The following RYR2 variants were observed in gnomAD, a reference collection of about 807,000 sequenced individuals.
RYR2 encodes the protein ryanodine receptor 2, also known as cardiac muscle ryanodine receptor-calcium release channel.
In RYR2, 227 loss-of-function variants were observed where a neutral mutation model predicts 601.1. The ratio of observed to expected loss-of-function variants is 0.38; its 90% CI spans 0.34 to 0.42. The LOEUF is 0.42. RYR2 is among the 10% of genes least tolerant of loss of function. The pLI is 1.00. For synonymous variants in RYR2, 2,223 were observed against 2,175.1 expected (o/e 1.02, Z -0.61); for missense variants, 4,646 against 6,156.5 (o/e 0.75, Z 8.21).
chr1:237,407,629 TA>T (rs1042208455), intron 10 of RYR2, among the ~76,000 whole-genome samples: 1 of 107,766 alleles, frequency 9.3e-6, no homozygotes, highest in African/African-American at 4.1e-5. Flanking sequence ...TTTTTTTTTT[TA>T]AATTGAGACG....
At chr1:237,498,162 A>G (rs887513408) in intron 20 of RYR2, among the ~76,000 whole-genome samples, 1 of 152,138 alleles carries the variant, frequency 6.6e-6, no homozygotes, top group Non-Finnish European at 1.5e-5. Flanking sequence ...CACCGTACCC[A>G]GCCTCAATTT....
chr1:237,346,682 G>C (rs1214185986), intron 3 of RYR2, among the ~76,000 whole-genome samples: 2 of 152,108 alleles, frequency 1.3e-5, no homozygotes, highest in Non-Finnish European at 2.9e-5. Flanking sequence ...CAAAACCAGA[G>C]TAAAGTTAGG....
At chr1:237,687,366 CTTTT>C (rs10679267) in intron 62 of RYR2, 85 bp from the exon 63 acceptor site, 32 of 259,088 alleles carry the variant, frequency 1.2e-4, no homozygotes, top group Admixed American at 1.4e-4. Context: ...TTTTCTTCTT[CTTTT>C]TTTTTTTTTT....
chr1:237,338,409 A>G lies in RYR2; in HGVS notation c.273+7427A>G, dbSNP rs114944785. On this transcript the variant is annotated intron_variant, in intron 3 of 104. Coordinates refer to ENST00000366574, the MANE Select transcript of RYR2 (RefSeq NM_001035.3). ...ATCACATGATTTAGAATTTAAATTT[A>G]AGTATATTTTCATATTGCATGCATA... is the stretch of plus-strand genomic sequence containing the variant. Among the ~76,000 whole-genome samples, 859 of 152,314 alleles carry G rather than the reference A, an allele frequency of 5.6e-3. 5 individuals are homozygous for G. Among genetic ancestry groups the G allele is most frequent in the African/African-American group, 0.017 (709 of 41,556 alleles).
intron 92 of RYR2, among the ~76,000 whole-genome samples, chr1:237,789,811 G>A (rs1047544107): frequency 2.0e-5 from 3 of 152,190 alleles, no homozygotes; most frequent in Non-Finnish European, 4.4e-5. Flanking sequence ...ACCAGTCATG[G>A]CCACATCCGT....
At chr1:237,262,023 A>G (rs1459779089) in intron 1 of RYR2, among the ~76,000 whole-genome samples, 1 of 152,132 alleles carries the variant, frequency 6.6e-6, no homozygotes, top group African/African-American at 2.4e-5. Flanking sequence ...AATATTTCCT[A>G]GCATGTATTG....
intron 2 of RYR2, among the ~76,000 whole-genome samples, chr1:237,309,584 C>A (rs556433061): frequency 6.6e-6 from 1 of 152,378 alleles, no homozygotes; most frequent in Admixed American, 6.5e-5. Context: ...GGATCCCACA[C>A]AAGGGCCGCA....
In RYR2 at chr1:237,614,594, C is replaced by T. The variant is rs1481865807; in HGVS notation, c.5466C>T (p.Ile1822=). 39 of 1,613,924 alleles carry T rather than the reference C, an allele frequency of 2.4e-5. No homozygotes were observed. Among genetic ancestry groups the T allele is most frequent in the Non-Finnish European group, 3.3e-5 (39 of 1,179,910 alleles). The change falls in exon 37 of 105, where the codon ATC becomes ATT. Residue 1822 remains isoleucine (I), a synonymous_variant. Coordinates refer to ENST00000366574, the MANE Select transcript of RYR2 (RefSeq NM_001035.3). This position sits in a 1 kb window ranked among gnomAD's most constrained non-coding sequence, Gnocchi z 4.3. The part of the protein sequence containing the change: ...GTTEFLFVPL[I]KLFYTLLIMG... ...CTGAATTCCTCTTTGTACCTCTCATCAAGCTTTTCTATACCCTGCTGATCA... is the reference window on the plus strand; with the variant it reads ...CTGAATTCCTCTTTGTACCTCTCATTAAGCTTTTCTATACCCTGCTGATCA...
intron 2 of RYR2, among the ~76,000 whole-genome samples, chr1:237,325,070 G>A (rs1010261578): frequency 6.6e-6 from 1 of 152,162 alleles, no homozygotes; most frequent in African/African-American, 2.4e-5. Flanking sequence ...CTTTGTGTAA[G>A]TCATTGTATT....
At chr1:237,087,298 T>G (rs1055955260) in intron 1 of RYR2, among the ~76,000 whole-genome samples, 1 of 152,146 alleles carries the variant, frequency 6.6e-6, no homozygotes, top group African/African-American at 2.4e-5. Flanking sequence ...TCTGTTACAT[T>G]TTTTTCTGTT....
At chr1:237,072,199 C>T (rs12022498) in intron 1 of RYR2, among the ~76,000 whole-genome samples, 9,477 of 152,316 alleles carry the variant, frequency 0.062, 451 homozygotes, top group East Asian at 0.26. Flanking sequence ...CTCCATGGGG[C>T]ATGCCGCCCC....
At chr1:237,197,080 TAAGTA>T (rs1198569936) in intron 1 of RYR2, among the ~76,000 whole-genome samples, 4 of 152,168 alleles carry the variant, frequency 2.6e-5, no homozygotes, top group African/African-American at 7.2e-5. Flanking sequence ...TGAAATATAT[TAAGTA>T]AAGTGATTTT....
intron 38 of RYR2, among the ~76,000 whole-genome samples, chr1:237,622,566 G>C (rs1202650460): frequency 6.6e-6 from 1 of 152,136 alleles, no homozygotes; most frequent in African/African-American, 2.4e-5. Flanking sequence ...GATGGAGCTG[G>C]TCCTCTCTAT....
intron 1 of RYR2, among the ~76,000 whole-genome samples, chr1:237,123,691 C>T (rs1031810042): frequency 3.1e-5 from 4 of 128,412 alleles, no homozygotes; most frequent in East Asian, 4.7e-4. Context: ...GACGGAGTCT[C>T]GCTCTGTCGC....
chr1:237,123,552 G>A (rs774788390), intron 1 of RYR2, among the ~76,000 whole-genome samples: 10 of 151,746 alleles, frequency 6.6e-5, no homozygotes, highest in Non-Finnish European at 1.3e-4. Flanking sequence ...GTGCCACTGC[G>A]CTCAAATCTG....
chr1:237,283,580 T>G (rs1221612324), intron 2 of RYR2, among the ~76,000 whole-genome samples: 2 of 152,208 alleles, frequency 1.3e-5, no homozygotes, highest in Admixed American at 1.3e-4. Context: ...ATAATATTGA[T>G]GTATCCATTT....
At chr1:237,789,920 G>A (rs138601215) in intron 92 of RYR2, among the ~76,000 whole-genome samples, 6 of 152,190 alleles carry the variant, frequency 3.9e-5, no homozygotes, top group South Asian at 2.1e-4. Flanking sequence ...TGAAACTGAC[G>A]CAGTCTGGGT....
chr1:237,396,959 G>T (rs12733021), intron 10 of RYR2, among the ~76,000 whole-genome samples: 31,599 of 152,070 alleles, frequency 0.21, 3,357 homozygotes, highest in East Asian at 0.25. Context: ...GACACCAAAA[G>T]TATGTCTATA....
At chr1:237,054,995 C>T (rs944003371) in intron 1 of RYR2, among the ~76,000 whole-genome samples, 2 of 152,188 alleles carry the variant, frequency 1.3e-5, no homozygotes, top group Non-Finnish European at 2.9e-5. Flanking sequence ...TCCTTGTTGG[C>T]TCAGATCCAG....
Sources: allele counts gnomAD v4.1 joint callset (sites outside exome capture counted in the v4.1 genomes callset), GRCh38; gene constraint gnomAD v4.1.1; non-coding constraint Gnocchi (gnomAD v3.1); transcripts MANE v1.5; gene names NCBI Gene and HGNC (gene_info 2026-07-23, HGNC 2026-07-21).